Variants in GPR89B observed in about 807,000 individuals in gnomAD.
GPR89B encodes the protein G protein-coupled receptor 89B.
In GPR89B, 25 loss-of-function variants were observed where a neutral mutation model predicts 52.4. That is an observed-to-expected ratio of 0.48 (90% CI 0.35 to 0.67). GPR89B has a LOEUF of 0.67. GPR89B is among the 30% of genes least tolerant of loss of function. The pLI is 0.01. For synonymous variants in GPR89B, 52 were observed against 151.2 expected (o/e 0.34, Z 4.81); for missense variants, 146 against 450.2 (o/e 0.32, Z 6.11).
At chr1:148,015,752 ATTTTCGGCG>A in the GPR89B span, among the ~76,000 whole-genome samples, 2 of 148,384 alleles carry the variant, frequency 1.3e-5, no homozygotes, top group Non-Finnish European at 3.0e-5. Flanking sequence ...TTGTACGGGC[ATTTTCGGCG>A]TTTTCAGCCA....
At chr1:148,021,140 T>C in the GPR89B span, among the ~76,000 whole-genome samples, 4 of 151,810 alleles carry the variant, frequency 2.6e-5, no homozygotes, top group African/African-American at 7.3e-5. Flanking sequence ...AGGTACCTGG[T>C]CACTGATTCT....
chr1:147,941,393 T>C (rs1291292482), intron 3 of GPR89B, among the ~76,000 whole-genome samples: 1 of 152,162 alleles, frequency 6.6e-6, no homozygotes, highest in Admixed American at 6.5e-5. Context: ...GCTTGTTTCT[T>C]TCTCTAAATG....
At chr1:148,011,614 A>G in the GPR89B span, 407 of 152,374 alleles carry the variant, frequency 2.7e-3, 3 homozygotes, top group Admixed American at 6.5e-3. Flanking sequence ...TCGTGGGGAG[A>G]CGAGGGGAGC....
At chr1:147,950,524 G>T (rs1373858575) in intron 5 of GPR89B, among the ~76,000 whole-genome samples, 4 of 152,202 alleles carry the variant, frequency 2.6e-5, no homozygotes, top group African/African-American at 9.6e-5. Flanking sequence ...TCACTTCCCA[G>T]ACGGGGTGGC....
intron 7 of GPR89B, among the ~76,000 whole-genome samples, chr1:147,959,553 C>G (rs2797026): frequency 3.7e-4 from 56 of 152,042 alleles, no homozygotes; most frequent in African/African-American, 1.2e-3. Flanking sequence ...CACCCACCCT[C>G]CCAGCACCCA....
downstream of GPR89B, among the ~76,000 whole-genome samples, chr1:147,996,135 G>C (rs1289440369): frequency 6.6e-6 from 1 of 152,072 alleles, no homozygotes; most frequent in Admixed American, 6.5e-5. Context: ...GGATGAAGGG[G>C]GATAAATAGG....
At chr1:147,989,581 C>A (rs1279881964) in intron 12 of GPR89B, among the ~76,000 whole-genome samples, 109 of 152,190 alleles carry the variant, frequency 7.2e-4, no homozygotes, top group African/African-American at 2.4e-3. Context: ...TCCCTCCCCC[C>A]TTCCCCCACC....
chr1:147,993,021 T>C lies in GPR89B; in HGVS notation c.*104T>C. The C allele has an allele frequency of 1.9e-6, 3 of 1,546,488 alleles. No homozygotes were observed. In the South Asian group the frequency reaches 3.8e-5, roughly 19 times the overall value. ...CCTGACATTTTATAAACAAACAAAA[T>C]GCTATGGTAGCATTTTTCACCTTCA... On this transcript the variant is annotated 3_prime_UTR_variant, in exon 14 of 14. Coordinates refer to ENST00000314163, the MANE Select transcript of GPR89B (RefSeq NM_016334.5).
chr1:148,004,684 C>G, the GPR89B span, among the ~76,000 whole-genome samples: 1 of 94,276 alleles, frequency 1.1e-5, no homozygotes, highest in Non-Finnish European at 2.2e-5. Flanking sequence ...CATATGACCT[C>G]AAAGGAAAAT....
At chr1:147,962,047 T>G (rs1189798614) in intron 7 of GPR89B, among the ~76,000 whole-genome samples, 1 of 151,952 alleles carries the variant, frequency 6.6e-6, no homozygotes, top group East Asian at 1.9e-4. Flanking sequence ...CTACCTGATC[T>G]TTAAACATAT....
At chr1:147,943,388 A>G (rs781808103) in intron 3 of GPR89B, 50 bp from the exon 4 acceptor site, 118 of 1,598,336 alleles carry the variant, frequency 7.4e-5, no homozygotes, top group Non-Finnish European at 9.7e-5. Context: ...AGAGAAAGAA[A>G]GTTGCTGCCC....
chr1:147,988,062 G>A (rs1176610019), intron 11 of GPR89B, among the ~76,000 whole-genome samples: 6,611 of 151,798 alleles, frequency 0.044, 203 homozygotes, highest in African/African-American at 0.072. Context: ...ATCACTGCTT[G>A]GTACTTGCTG....
the GPR89B span, among the ~76,000 whole-genome samples, chr1:148,018,873 T>G: frequency 1.3e-5 from 2 of 151,230 alleles, no homozygotes; most frequent in Non-Finnish European, 2.9e-5. Context: ...TCCATGTTGG[T>G]CAGGCTGGTC....
chr1:148,002,260 G>C, the GPR89B span, among the ~76,000 whole-genome samples: 1 of 151,940 alleles, frequency 6.6e-6, no homozygotes, highest in African/African-American at 2.4e-5. Context: ...CCAGCATCCA[G>C]TCCCCATATC....
chr1:148,002,413 G>A, the GPR89B span, among the ~76,000 whole-genome samples: 16,134 of 152,032 alleles, frequency 0.11, 1,166 homozygotes, highest in Non-Finnish European at 0.15. Context: ...CCCTTCCCCA[G>A]TCCTTCTGTC....
chr1:148,006,226 G>A, the GPR89B span, among the ~76,000 whole-genome samples: 3,033 of 146,346 alleles, frequency 0.021, 54 homozygotes, highest in Non-Finnish European at 0.033. Flanking sequence ...GCTAAAACAT[G>A]CCCACACTGC....
the GPR89B span, among the ~76,000 whole-genome samples, chr1:148,000,333 G>T: frequency 6.6e-6 from 1 of 151,040 alleles, no homozygotes; most frequent in Non-Finnish European, 1.5e-5. Context: ...TTCTATTCAA[G>T]TTGATATTCA....
the GPR89B span, among the ~76,000 whole-genome samples, chr1:148,004,896 C>G: frequency 9.3e-6 from 1 of 107,188 alleles, no homozygotes; most frequent in Non-Finnish European, 1.9e-5. Context: ...AACACACACA[C>G]ACACACACAC....
At chr1:148,009,875 G>C in the GPR89B span, among the ~76,000 whole-genome samples, 1 of 152,122 alleles carries the variant, frequency 6.6e-6, no homozygotes, top group Non-Finnish European at 1.5e-5. Flanking sequence ...AAGAACACAG[G>C]CCGCTAAGAA....
Sources: gnomAD v4.1 joint callset for allele counts (sites outside exome capture counted in the v4.1 genomes callset) on GRCh38, gnomAD v4.1.1 for gene constraint, MANE v1.5 for transcripts, NCBI Gene and HGNC (gene_info 2026-07-23, HGNC 2026-07-21) for gene names.